INTS2: variants seen among roughly 807,000 people sequenced by gnomAD.
The protein encoded by INTS2 is KIAA1287.
A neutral mutation model predicts 139.6 loss-of-function variants in INTS2; 57 were observed. The ratio of observed to expected loss-of-function variants is 0.41; its 90% confidence interval spans 0.33 to 0.51. INTS2 has a LOEUF of 0.51. Ranked by LOEUF, INTS2 falls within the 20% of genes least tolerant of loss-of-function variation. The pLI is 0.28. For synonymous variants in INTS2, 473 were observed against 493.4 expected (o/e 0.96, Z 0.55); for missense variants, 1,196 against 1,436.7 (o/e 0.83, Z 2.71).
chr17:61,890,020 G>T, intron 14 of INTS2, 126 bp from the exon 15 acceptor site: 1 of 632,072 alleles, frequency 1.6e-6, no homozygotes. Context: ...TAAAACAGGA[G>T]AAATGTTGCT....
rs569201600 is a variant in INTS2, at chr17:61,873,222, C to A, written c.2583-762G>T. 6.6e-6 allele frequency among the ~76,000 whole-genome samples: 1 copy of A among 152,028 alleles called. No homozygotes were observed. The highest frequency in any genetic ancestry group is 2.1e-4 in the South Asian group (1 of 4,812). On this transcript the variant is annotated intron_variant, in intron 19 of 24. Coordinates refer to ENST00000251334, the MANE Select transcript of INTS2 (RefSeq NM_001351695.2). The surrounding 1 kb of genome is among the most constrained non-coding windows in gnomAD (Gnocchi z 4.0). ...CTCTATAAAATGGAATACCATATAG[C>A]CAATTAAGATAAGAATATAAACTAG...
intron 16 of INTS2, among the ~76,000 whole-genome samples, chr17:61,884,687 T>C (rs1181740314): frequency 1.3e-5 from 2 of 151,878 alleles, no homozygotes; most frequent in South Asian, 2.1e-4. Context: ...AGCCTGAAAA[T>C]ACATATCAAC....
chr17:61,877,353 T>G lies in INTS2; in HGVS notation c.2456+534A>C, dbSNP rs185049006. Among the ~76,000 whole-genome samples the G allele has an allele frequency of 5.4e-4, 82 of 152,342 alleles. 2 individuals carry two copies. In the East Asian group the frequency reaches 0.015, roughly 27 times the overall value. On this transcript the variant is annotated intron_variant, in intron 18 of 24. Transcript: ENST00000251334. ...CTATTTATAGCCCAGTATTCTGTTT[T>G]CTAGACCTGTCCAGGTGTTAAGGAT...
Position 61,893,721 on chromosome 17 carries a change from A to G in INTS2, c.1698+44T>C, listed in dbSNP as rs1474413847. The G allele has an allele frequency of 7.9e-6, 11 of 1,395,108 alleles. No homozygotes were observed. The East Asian group carries it at 2.9e-4, about 37-fold the overall frequency. The allele number at this position is 1,395,108 out of a possible 1,614,324, so 86.4% of individuals were successfully genotyped here. On this transcript the variant is annotated intron_variant, in intron 13 of 24. Transcript: ENST00000251334. This position sits in a 1 kb window ranked among gnomAD's most constrained non-coding sequence, Gnocchi z 5.4. ...AAAGAAAAAAAATATATATATAAAAATGTAGGGGCATGCTTTTATTTTGTT... is the reference window on the plus strand; with the variant it reads ...AAAGAAAAAAAATATATATATAAAAGTGTAGGGGCATGCTTTTATTTTGTT...
At chr17:61,886,356 G>A (rs4968454) in intron 15 of INTS2, among the ~76,000 whole-genome samples, 25,255 of 152,150 alleles carry the variant, frequency 0.17, 2,524 homozygotes, top group East Asian at 0.53. Flanking sequence ...TTTAAATTAA[G>A]TCAGGCAATA....
rs531451239 is a variant in INTS2 at position 61,905,988 on chromosome 17, C to T, written c.1182-1403G>A. Among the ~76,000 whole-genome samples, 36 of 152,294 alleles carry T rather than the reference C, an allele frequency of 2.4e-4. No homozygotes were observed. In the Middle Eastern group the frequency reaches 0.02, roughly 86 times the overall value. On this transcript the variant is annotated intron_variant, in intron 8 of 24. Transcript: ENST00000251334. ...CTGGGATTACAGGCGTGAGCCACCG[C>T]GCCTGGCCTATGCTTTCATCTTTAT...
chr17:61,913,512 T>C (rs2079548550), intron 5 of INTS2, among the ~76,000 whole-genome samples: 1 of 152,180 alleles, frequency 6.6e-6, no homozygotes, highest in African/African-American at 2.4e-5. Context: ...TCTTGCTTTC[T>C]TGCTTTGCCA....
In INTS2 at chr17:61,893,347, G is replaced by C. The variant is rs9910404; in HGVS notation, c.1698+418C>G. On this transcript the variant is annotated intron_variant, in intron 13 of 24. Transcript: ENST00000251334. The surrounding 1 kb of genome is among the most constrained non-coding windows in gnomAD (Gnocchi z 5.4). ...TTCCTACACAAAACCCACAATAAAT[G>C]CCTACAAACTGAAATACAACTGGGG... 0.02 allele frequency among the ~76,000 whole-genome samples: 3,098 copies of C among 152,020 alleles called. 102 individuals are homozygous for C. The highest frequency in any genetic ancestry group is 0.071 in the African/African-American group (2,928 of 41,440).
chr17:61,895,763 T>C (rs907394667), intron 11 of INTS2, among the ~76,000 whole-genome samples: 1 of 152,020 alleles, frequency 6.6e-6, no homozygotes, highest in Admixed American at 6.6e-5. Context: ...TATGTACAGA[T>C]AGACACACAT....
chr17:61,879,336 G>C (rs1456240961), intron 17 of INTS2, among the ~76,000 whole-genome samples: 1 of 152,036 alleles, frequency 6.6e-6, no homozygotes, highest in Non-Finnish European at 1.5e-5. Context: ...TCCCCTTATA[G>C]GATGTAAGCA....
chr17:61,884,968 A>G lies in INTS2; in HGVS notation c.2022T>C (p.Ser674=). 1 of 1,607,126 alleles carries G rather than the reference A, an allele frequency of 6.2e-7. No individual in the cohort carries two copies. Among genetic ancestry groups the G allele is most frequent in the East Asian group, 2.2e-5 (1 of 44,796 alleles). The change falls in exon 16 of 25, where the codon TCT becomes TCC. Residue 674 remains serine (S), a synonymous_variant. Transcript: ENST00000251334. The part of the protein sequence containing the change: ...MQRKPKSYSS[S]LMDQIPIKFL... Reference sequence around the variant, plus strand: ...ATTTGATAGGAATCTGATCCATTAAAGAAGAAGAATATGATTTGGGCTTTC... The same window carrying G: ...ATTTGATAGGAATCTGATCCATTAAGGAAGAAGAATATGATTTGGGCTTTC...
chr17:61,906,348 T>A (rs942098735), intron 8 of INTS2, among the ~76,000 whole-genome samples: 2 of 152,164 alleles, frequency 1.3e-5, no homozygotes, highest in Non-Finnish European at 2.9e-5. Context: ...TAAGGGATAT[T>A]CAACCTTTAC....
In INTS2 at chr17:61,882,250, C is replaced by A. The variant is rs765848021; in HGVS notation, c.2090-1079G>T. ...TAACATTAACAACCCTAAAGTCACA[C>A]AGTCACATATGTCAGCCAAGAGAAG... On this transcript the variant is annotated intron_variant, in intron 16 of 24. Coordinates refer to ENST00000251334, the MANE Select transcript of INTS2 (RefSeq NM_001351695.2). The surrounding 1 kb of genome is among the most constrained non-coding windows in gnomAD (Gnocchi z 4.7). 6.6e-6 allele frequency among the ~76,000 whole-genome samples: 1 copy of A among 152,148 alleles called. No individual in the cohort carries two copies. Among genetic ancestry groups the A allele is most frequent in the African/African-American group, 2.4e-5 (1 of 41,422 alleles).
At chr17:61,881,860 A>C (rs2079181233) in intron 16 of INTS2, among the ~76,000 whole-genome samples, 1 of 152,226 alleles carries the variant, frequency 6.6e-6, no homozygotes, top group Non-Finnish European at 1.5e-5. Flanking sequence ...GAAAGCTTTC[A>C]ACTTTCTTCC....
intron 12 of INTS2, among the ~76,000 whole-genome samples, chr17:61,894,573 C>T (rs1266527810): frequency 6.6e-6 from 1 of 152,018 alleles, no homozygotes; most frequent in Non-Finnish European, 1.5e-5. Flanking sequence ...AACAACTGGC[C>T]GGGTGCAGTG....
chr17:61,877,859 A>G (rs752994035), intron 18 of INTS2, 28 bp downstream of exon 18: 8 of 1,538,588 alleles, frequency 5.2e-6, no homozygotes, highest in South Asian at 1.1e-5. Context: ...ATAATTATCT[A>G]TTACATGTAA....
chr17:61,927,673 C>T lies in INTS2; in HGVS notation c.-38G>A. ...TCATACCTTAAGATCTACCCTCCAG[C>T]CTCACGGAACCGCACACGGACTCCG... On this transcript the variant is annotated 5_prime_UTR_variant, in exon 1 of 25. Transcript: ENST00000251334. 1 of 1,420,146 alleles carries T rather than the reference C, an allele frequency of 7.0e-7. No individual in the cohort carries two copies. The highest frequency in any genetic ancestry group is 9.2e-7 in the Non-Finnish European group (1 of 1,090,394). The allele number at this position is 1,420,146 out of a possible 1,614,324, so 88.0% of individuals were successfully genotyped here. A position where few individuals can be genotyped will look rare whatever the true frequency, so the allele number is the denominator to read the frequency against.
chr17:61,875,676 A>C lies in INTS2; in HGVS notation c.2457-638T>G, dbSNP rs2079121340. Among the ~76,000 whole-genome samples the C allele has an allele frequency of 6.6e-6, 1 of 152,198 alleles. No homozygotes were observed. The highest frequency in any genetic ancestry group is 1.5e-5 in the Non-Finnish European group (1 of 68,040). On this transcript the variant is annotated intron_variant, in intron 18 of 24. Coordinates refer to ENST00000251334, the MANE Select transcript of INTS2 (RefSeq NM_001351695.2). This position sits in a 1 kb window ranked among gnomAD's most constrained non-coding sequence, Gnocchi z 4.6. Reference sequence around the variant, plus strand: ...TGACTGTATAAACAAGGATCATCAGACACTTAAAGAAAGCTTTTACTTTGA... The same window carrying C: ...TGACTGTATAAACAAGGATCATCAGCCACTTAAAGAAAGCTTTTACTTTGA...
intron 4 of INTS2, among the ~76,000 whole-genome samples, chr17:61,920,097 T>C (rs777737325): frequency 9.2e-5 from 14 of 151,776 alleles, no homozygotes; most frequent in Non-Finnish European, 1.6e-4. Flanking sequence ...CAAAGAACAC[T>C]GGACAGCATA....
Sources: gnomAD v4.1 joint callset for allele counts (sites outside exome capture counted in the v4.1 genomes callset) on GRCh38, gnomAD v4.1.1 for gene constraint, Gnocchi (gnomAD v3.1) non-coding constraint, MANE v1.5 for transcripts, NCBI Gene and HGNC (gene_info 2026-07-23, HGNC 2026-07-21) for gene names.